UAP1: variants seen among roughly 807,000 people sequenced by gnomAD.
The protein encoded by UAP1 is UDP-N-acetylhexosamine pyrophosphorylase.
UAP1 carries 25 observed loss-of-function variants against 58.5 expected under a neutral mutation model. That is an observed-to-expected ratio of 0.43 (90% CI 0.31 to 0.60). The LOEUF (loss-of-function observed/expected upper bound fraction) is 0.60, where lower values mean the gene tolerates loss of function less well. Among genes scored for constraint, UAP1 ranks in the 20% least tolerant of loss-of-function variants. UAP1 has a pLI of 0.11. For synonymous variants in UAP1, 208 were observed against 213.0 expected, an observed-to-expected ratio of 0.98 and a Z score of 0.21; for missense variants, 575 against 630.0, an observed-to-expected ratio of 0.91 and a Z score of 0.93.
intron 3 of UAP1, among the ~76,000 whole-genome samples, chr1:162,578,138 G>T (rs571970622): frequency 8.5e-5 from 13 of 152,190 alleles, no homozygotes; most frequent in Middle Eastern, 3.4e-3. Context: ...TTGGAAGTTA[G>T]CATGTTTTGA....
chr1:162,570,233 A>G (rs1653778573), intron 2 of UAP1, among the ~76,000 whole-genome samples: 1 of 152,158 alleles, frequency 6.6e-6, no homozygotes, highest in Non-Finnish European at 1.5e-5. Flanking sequence ...CTCTGATTCC[A>G]CCATACAGAG....
intron 2 of UAP1, among the ~76,000 whole-genome samples, chr1:162,573,911 C>T (rs1654015364): frequency 6.6e-6 from 1 of 151,640 alleles, no homozygotes; most frequent in South Asian, 2.1e-4. Flanking sequence ...TTGCAGTAAG[C>T]CAAGGTTGTG....
chr1:162,590,997 C>T (rs549320242), intron 8 of UAP1, among the ~76,000 whole-genome samples: 17 of 151,136 alleles, frequency 1.1e-4, no homozygotes, highest in Non-Finnish European at 1.9e-4. Context: ...AGTCTCAGCT[C>T]ACTGCAGCCT....
In UAP1 at chr1:162,566,428, A is replaced by C. The variant is rs1653511802; in HGVS notation, c.280+80A>C. 4.9e-6 allele frequency: 7 copies of C among 1,426,346 alleles called. No individual in the cohort carries two copies. The South Asian group carries it at 8.5e-5, about 17-fold the overall frequency. 88.4% of individuals were successfully genotyped at this position (1,426,346 alleles called of 1,614,324 possible). A position where few individuals can be genotyped will look rare whatever the true frequency, so the allele number is the denominator to read the frequency against. The stretch of plus-strand genomic sequence containing the variant: ...GTTCAGGTAGCTGGATCATGTCACT[A>C]ATATTTTGATTCATACTACATTAAA... On this transcript the variant is annotated intron_variant, in intron 2 of 10. Coordinates refer to ENST00000271469, the Ensembl canonical transcript of UAP1.
intron 9 of UAP1, chr1:162,593,132 C>G (rs965097447): frequency 3.7e-6 from 1 of 270,722 alleles, no homozygotes. Context: ...GTTAAAAATA[C>G]CATTCTGAAG....
At chr1:162,573,721 T>A (rs1304064426) in intron 2 of UAP1, among the ~76,000 whole-genome samples, 1 of 152,004 alleles carries the variant, frequency 6.6e-6, no homozygotes, top group East Asian at 1.9e-4. Flanking sequence ...TCCCAGCACT[T>A]TGGGAGGCTG....
At chr1:162,581,517 A>T in intron 5 of UAP1, 58 bp downstream of exon 5, 2 of 1,503,232 alleles carry the variant, frequency 1.3e-6, no homozygotes. Context: ...TCATATACGC[A>T]TTCCAGAAGT....
chr1:162,562,734 A>T (rs1378629295), intron 1 of UAP1, among the ~76,000 whole-genome samples: 1 of 152,174 alleles, frequency 6.6e-6, no homozygotes, highest in Non-Finnish European at 1.5e-5. Context: ...TGGCTCACTT[A>T]GCTGGAGCAA....
At chr1:162,570,741 T>TA (rs139551002) in intron 2 of UAP1, among the ~76,000 whole-genome samples, 2,672 of 152,308 alleles carry the variant, frequency 0.018, 80 homozygotes, top group African/African-American at 0.062. Flanking sequence ...ATTAAAGACT[T>TA]AAATTATTCT....
At chr1:162,570,269 C>G (rs1301444890) in intron 2 of UAP1, among the ~76,000 whole-genome samples, 3 of 151,390 alleles carry the variant, frequency 2.0e-5, no homozygotes, top group Admixed American at 6.6e-5. Context: ...ATTTTACAGT[C>G]TTTTCTTTCA....
intron 2 of UAP1, among the ~76,000 whole-genome samples, chr1:162,573,713 C>T (rs1654004574): frequency 6.6e-6 from 1 of 151,896 alleles, no homozygotes; most frequent in East Asian, 1.9e-4. Flanking sequence ...ATCTGTAATC[C>T]CAGCACTTTG....
In UAP1 at chr1:162,597,633, C is replaced by T. The variant is rs186849259; in HGVS notation, c.1410-159C>T. The T allele has an allele frequency of 4.4e-4, 250 of 566,164 alleles. 2 individuals are homozygous for T. In the East Asian group the frequency reaches 5.9e-3, roughly 13 times the overall value. 35.1% of individuals were successfully genotyped at this position (566,164 alleles called of 1,614,324 possible). ...CTGAGAATTTCATATTAACTTAATC[C>T]TCAGGGAATTTAGTGATCATCAGGG... On this transcript the variant is annotated intron_variant, in intron 9 of 10. Transcript: ENST00000271469.
At position 162,592,424 on chromosome 1, in the gene UAP1, T is replaced by C. The variant is rs377585115; in HGVS notation, c.1359-308T>C. On this transcript the variant is annotated intron_variant, in intron 8 of 10. Transcript: ENST00000271469. The stretch of plus-strand genomic sequence containing the variant: ...ATAAAATGTTAGAGAACACTGAACA[T>C]TGGAATTTACTGGTACATAACTGGT... 1.1e-4 allele frequency among the ~76,000 whole-genome samples: 16 copies of C among 152,122 alleles called. 1 individual carries two copies. The East Asian group carries it at 1.5e-3, about 15-fold the overall frequency.
At chr1:162,586,104 T>C (rs531625673) in intron 5 of UAP1, among the ~76,000 whole-genome samples, 4 of 152,324 alleles carry the variant, frequency 2.6e-5, no homozygotes, top group African/African-American at 7.2e-5. Flanking sequence ...CTAATTGCTG[T>C]GTAAATGAAG....
At position 162,590,570 on chromosome 1, in the gene UAP1, TTCTCTC is replaced by T. The variant is rs113405147; in HGVS notation, c.1358+75_1358+80del. ...CTTTCTTGGACTTTTCCTCTTGGAC[TTCTCTC>T]TCTCTCTCTCTCTCTGTATTCCTAG... is the stretch of plus-strand genomic sequence containing the variant. On this transcript the variant is annotated intron_variant, in intron 8 of 10. Coordinates refer to ENST00000271469, the Ensembl canonical transcript of UAP1. 94 of 1,290,068 alleles carry T rather than the reference TTCTCTC, an allele frequency of 7.3e-5. No individual in the cohort carries two copies. The East Asian group carries it at 7.8e-4, about 11-fold the overall frequency. 79.9% of individuals were successfully genotyped at this position (1,290,068 alleles called of 1,614,324 possible). A position where few individuals can be genotyped will look rare whatever the true frequency, so the allele number is the denominator to read the frequency against.
intron 9 of UAP1, among the ~76,000 whole-genome samples, chr1:162,596,449 A>T (rs939589178): frequency 9.9e-5 from 15 of 152,234 alleles, no homozygotes; most frequent in Non-Finnish European, 1.5e-4. Context: ...TGCTGGGATT[A>T]CAGGTGTGAG....
chr1:162,592,207 A>G lies in UAP1; in HGVS notation c.1359-525A>G, dbSNP rs543333870. Among the ~76,000 whole-genome samples the G allele has an allele frequency of 3.9e-5, 6 of 152,266 alleles. No homozygotes were observed. The South Asian group carries it at 1.2e-3, about 32-fold the overall frequency. On this transcript the variant is annotated intron_variant, in intron 8 of 10. Coordinates refer to ENST00000271469, the Ensembl canonical transcript of UAP1. ...GAGGTTCAAGACCAGCCTGGCCAAC[A>G]TGGTGAAACCCTGTCTCTACTAAAT... is the stretch of plus-strand genomic sequence containing the variant.
intron 2 of UAP1, 39 bp downstream of exon 2, chr1:162,566,387 G>A (rs756295437): frequency 6.4e-7 from 1 of 1,572,172 alleles, no homozygotes; most frequent in East Asian, 2.3e-5. Context: ...AAGTTTATTT[G>A]AGATATACTA....
chr1:162,575,496 G>A (rs1480203799), intron 2 of UAP1, among the ~76,000 whole-genome samples: 8 of 146,948 alleles, frequency 5.4e-5, no homozygotes, highest in South Asian at 4.4e-4. Flanking sequence ...CAGTGGTGCA[G>A]TCTTAGCTCA....
Sources: gnomAD v4.1 joint callset for allele counts (sites outside exome capture counted in the v4.1 genomes callset) on GRCh38, gnomAD v4.1.1 for gene constraint, MANE v1.5 for transcripts, NCBI Gene and HGNC (gene_info 2026-07-23, HGNC 2026-07-21) for gene names.